Variants in ADK observed in about 807,000 individuals in gnomAD.
The protein encoded by ADK is adenosine kinase.
Under a neutral mutation model 44.7 loss-of-function variants are expected in ADK, and 24 were observed. The ratio of observed to expected loss-of-function variants is 0.54; its 90% CI spans 0.39 to 0.76. The LOEUF is 0.76. ADK is among the 30% of genes least tolerant of loss of function. ADK has a pLI of 0.00. For synonymous variants in ADK, 128 were observed against 142.6 expected (o/e 0.90, Z 0.73); for missense variants, 321 against 425.1 (o/e 0.76, Z 2.15).
intron 3 of ADK, among the ~76,000 whole-genome samples, chr10:74,265,245 C>T (rs374100477): frequency 1.3e-5 from 2 of 148,974 alleles, no homozygotes. Flanking sequence ...GAGACGGAGT[C>T]TTGCTCTGTC....
At chr10:74,317,679 G>A (rs1041984077) in intron 4 of ADK, among the ~76,000 whole-genome samples, 3 of 152,056 alleles carry the variant, frequency 2.0e-5, no homozygotes, top group Non-Finnish European at 4.4e-5. Flanking sequence ...ACAAAATATG[G>A]GACCAAAGGA....
rs115335136 is a variant in ADK, at chr10:74,642,741, A to G, written c.878-27442A>G. ...ATATATATACTTTTACATTTATTGGATCATACTGTGGTCTTTCAAAACTTA... is the reference window on the plus strand; with the variant it reads ...ATATATATACTTTTACATTTATTGGGTCATACTGTGGTCTTTCAAAACTTA... On this transcript the variant is annotated intron_variant, in intron 9 of 10. Transcript: ENST00000539909. 4.3e-3 allele frequency among the ~76,000 whole-genome samples: 656 copies of G among 151,022 alleles called. 6 individuals carry two copies. The highest frequency in any genetic ancestry group is 0.015 in the African/African-American group (624 of 41,206).
intron 3 of ADK, among the ~76,000 whole-genome samples, chr10:74,292,497 C>T (rs1839657277): frequency 6.6e-6 from 1 of 152,146 alleles, no homozygotes; most frequent in African/African-American, 2.4e-5. Context: ...GGGACTTGTT[C>T]TTTCAGCATC....
At chr10:74,517,648 C>T (rs1848646253) in intron 6 of ADK, among the ~76,000 whole-genome samples, 1 of 150,134 alleles carries the variant, frequency 6.7e-6, no homozygotes, top group Non-Finnish European at 1.5e-5. Context: ...GTGATTGCAC[C>T]ACTGCACTCT....
At chr10:74,478,815 A>G (rs1378462290) in intron 6 of ADK, among the ~76,000 whole-genome samples, 2 of 152,194 alleles carry the variant, frequency 1.3e-5, no homozygotes, top group Non-Finnish European at 2.9e-5. Flanking sequence ...ATTCTGCCCC[A>G]TTCTCCATCC....
intron 6 of ADK, among the ~76,000 whole-genome samples, chr10:74,486,700 G>C (rs899443530): frequency 6.6e-6 from 1 of 152,030 alleles, no homozygotes; most frequent in Non-Finnish European, 1.5e-5. Context: ...TATACTACTA[G>C]CTGTTTGAGC....
At chr10:74,499,874 G>A (rs373253016) in intron 6 of ADK, among the ~76,000 whole-genome samples, 3 of 151,930 alleles carry the variant, frequency 2.0e-5, no homozygotes, top group South Asian at 4.2e-4. Flanking sequence ...ATTTTTTTTA[G>A]GTTGTCTCAC....
chr10:74,601,671 A>T (rs1488153337), intron 9 of ADK, among the ~76,000 whole-genome samples: 1 of 152,148 alleles, frequency 6.6e-6, no homozygotes, highest in East Asian at 1.9e-4. Flanking sequence ...ATTATCCATA[A>T]TTAAAACTTT....
chr10:74,689,740 C>T (rs1348374474), intron 10 of ADK, among the ~76,000 whole-genome samples: 1 of 152,336 alleles, frequency 6.6e-6, no homozygotes, highest in South Asian at 2.1e-4. Context: ...GAGCCTGGGA[C>T]ATAACCTGTT....
At chr10:74,230,195 A>G (rs1373600116) in intron 3 of ADK, among the ~76,000 whole-genome samples, 1 of 152,026 alleles carries the variant, frequency 6.6e-6, no homozygotes, top group Non-Finnish European at 1.5e-5. Flanking sequence ...AGTGTTCATA[A>G]ATAAGGTACA....
At chr10:74,669,988 G>C (rs1336134542) in intron 9 of ADK, among the ~76,000 whole-genome samples, 195 bp from the exon 10 acceptor site, 1 of 152,200 alleles carries the variant, frequency 6.6e-6, no homozygotes, top group African/African-American at 2.4e-5. Flanking sequence ...TCTGTATGCT[G>C]AAAGTTACCA....
chr10:74,586,868 A>AAAT (rs1554884773), intron 7 of ADK, among the ~76,000 whole-genome samples: 1 of 150,592 alleles, frequency 6.6e-6, no homozygotes, highest in Non-Finnish European at 1.5e-5. Context: ...AAAAAAAAAA[A>AAAT]ATATATATGT....
chr10:74,533,210 A>C (rs1177676188), intron 7 of ADK, among the ~76,000 whole-genome samples: 1 of 152,202 alleles, frequency 6.6e-6, no homozygotes, highest in African/African-American at 2.4e-5. Flanking sequence ...TGTATTGTTA[A>C]ATATAAATTC....
chr10:74,703,420 T>C lies in ADK; in HGVS notation c.965-4901T>C, dbSNP rs371706083. 1.2e-4 allele frequency among the ~76,000 whole-genome samples: 18 copies of C among 152,050 alleles called. No homozygotes were observed. The East Asian group carries it at 3.1e-3, about 26-fold the overall frequency. On this transcript the variant is annotated intron_variant, in intron 10 of 10. Coordinates refer to ENST00000539909, the MANE Select transcript of ADK (RefSeq NM_006721.4). ...TCACCTGAGCCTAGGGAGTTGAGGC[T>C]GCAGTGAGCCAAAAAAAATTATGCC...
chr10:74,634,834 A>G (rs952055149), intron 9 of ADK, among the ~76,000 whole-genome samples: 1 of 152,248 alleles, frequency 6.6e-6, no homozygotes, highest in Middle Eastern at 3.4e-3. Context: ...AGTCCCAGCT[A>G]CTTGGTAGGG....
intron 6 of ADK, among the ~76,000 whole-genome samples, chr10:74,411,142 C>G (rs1202050775): frequency 6.6e-6 from 1 of 152,048 alleles, no homozygotes; most frequent in Non-Finnish European, 1.5e-5. Flanking sequence ...TAGGGATTAA[C>G]TATGAATGTT....
At chr10:74,408,104 C>G (rs1395058249) in intron 6 of ADK, among the ~76,000 whole-genome samples, 1 of 151,884 alleles carries the variant, frequency 6.6e-6, no homozygotes, top group Non-Finnish European at 1.5e-5. Context: ...GTCAGTCTAC[C>G]CAGTAGCTGG....
chr10:74,635,605 G>C (rs1210214135), intron 9 of ADK, among the ~76,000 whole-genome samples: 1 of 152,072 alleles, frequency 6.6e-6, no homozygotes, highest in Admixed American at 6.5e-5. Context: ...TCAAGGCTAG[G>C]CTCAGCCGAG....
Position 74,302,101 on chromosome 10 carries a change from GTTTGTTTGTTTTT to G in ADK, c.195-12562_195-12550del, listed in dbSNP as rs1840063503. On this transcript the variant is annotated intron_variant, in intron 3 of 10. Coordinates refer to ENST00000539909, the MANE Select transcript of ADK (RefSeq NM_006721.4). Reference sequence around the variant, plus strand: ...TTCTTTTCTTTTCTGTTTTTTTTTTGTTTGTTTGTTTTTTTTTTTTTTTTTTTTTTTTTTTTTT... The same window carrying G: ...TTCTTTTCTTTTCTGTTTTTTTTTTGTTTTTTTTTTTTTTTTTTTTTTTTT... Among the ~76,000 whole-genome samples, 55 of 11,690 alleles carry G rather than the reference GTTTGTTTGTTTTT, an allele frequency of 4.7e-3. 5 individuals carry two copies. Among genetic ancestry groups the G allele is most frequent in the African/African-American group, 0.015 (53 of 3,530 alleles). 7.7% of individuals were successfully genotyped at this position (11,690 alleles called of 152,430 possible).
Sources: allele counts gnomAD v4.1 joint callset (sites outside exome capture counted in the v4.1 genomes callset), GRCh38; gene constraint gnomAD v4.1.1; transcripts MANE v1.5; gene names NCBI Gene and HGNC (gene_info 2026-07-23, HGNC 2026-07-21).